The following WASHC2A variants were observed in gnomAD, a reference collection of about 807,000 sequenced individuals.
WASHC2A encodes WASH complex subunit 2A.
A neutral mutation model predicts 140.3 loss-of-function variants in WASHC2A; 82 were observed. That is an observed-to-expected ratio of 0.58 (90% CI 0.49 to 0.70). The LOEUF (loss-of-function observed/expected upper bound fraction) is 0.70. Among genes scored for constraint, WASHC2A ranks in the 30% least tolerant of loss-of-function variants. The pLI is 0.00. For synonymous variants in WASHC2A, 340 were observed against 560.8 expected, an observed-to-expected ratio of 0.61 and a Z score of 5.56; for missense variants, 985 against 1,521.8, an observed-to-expected ratio of 0.65 and a Z score of 5.87.
At chr10:50,079,884 C>G (rs1393510836) in intron 4 of WASHC2A, among the ~76,000 whole-genome samples, 1 of 151,540 alleles carries the variant, frequency 6.6e-6, no homozygotes, top group Non-Finnish European at 1.5e-5. Context: ...AACTCAGAAT[C>G]AAGCATATCC....
chr10:50,101,344 T>A (rs1841144900), intron 17 of WASHC2A, among the ~76,000 whole-genome samples: 1 of 152,310 alleles, frequency 6.6e-6, no homozygotes, highest in African/African-American at 2.4e-5. Flanking sequence ...GCTTCCTCAC[T>A]CTTCGATTTC....
In WASHC2A at chr10:50,127,217, A is replaced by T; in HGVS notation, c.2869A>T (p.Ile957Leu). ...AGAACCATCCACTCGGATCGGGAAGATACAAGTAATTAAAACACTGGAATC... is the reference window on the plus strand; with the variant it reads ...AGAACCATCCACTCGGATCGGGAAGTTACAAGTAATTAAAACACTGGAATC... ...TKEPSTRIGKIQANLAINPAA... is the reference protein window; with the variant it reads ...TKEPSTRIGKLQANLAINPAA... The change falls in exon 27 of 31, where the codon ATA becomes TTA. Residue 957 changes from isoleucine to leucine, a missense_variant. Ile to Leu is a conservative substitution (Grantham distance 5, BLOSUM62 2). Coordinates refer to ENST00000282633, the MANE Select transcript of WASHC2A (RefSeq NM_001005751.3). The T allele has an allele frequency of 2.5e-6, 4 of 1,612,074 alleles. No homozygotes were observed. The highest frequency in any genetic ancestry group is 3.4e-6 in the Non-Finnish European group (4 of 1,179,872).
rs1161129834 is a variant in WASHC2A, at chr10:50,125,978, G to T, written c.2689-79G>T. The T allele has an allele frequency of 1.0e-5, 16 of 1,583,178 alleles. No individual in the cohort carries two copies. In the East Asian group the frequency reaches 3.4e-4, roughly 33 times the overall value. On this transcript the variant is annotated intron_variant, in intron 25 of 30. Coordinates refer to ENST00000282633, the MANE Select transcript of WASHC2A (RefSeq NM_001005751.3). ...AGTATTTTTAAGACTCAGAAGCCAG[G>T]ATTGTTTTTTGCATTATGATTTTTC...
Position 50,090,769 on chromosome 10 carries a change from C to G in WASHC2A, c.733-7C>G. The G allele has an allele frequency of 3.1e-6, 5 of 1,609,858 alleles. No individual in the cohort carries two copies. In the Admixed American group the frequency reaches 8.4e-5, roughly 27 times the overall value. Reference sequence around the variant, plus strand: ...AGTAGTTCTAATTTGGTATTTTATACTCTTAGCACACCACACAAATGAGTG... The same window carrying G: ...AGTAGTTCTAATTTGGTATTTTATAGTCTTAGCACACCACACAAATGAGTG... On this transcript the variant is annotated splice_region_variant and splice_polypyrimidine_tract_variant and intron_variant, in intron 8 of 30. Transcript: ENST00000282633.
intron 16 of WASHC2A, among the ~76,000 whole-genome samples, chr10:50,099,479 ATT>A (rs1283936139): frequency 6.6e-6 from 1 of 151,144 alleles, no homozygotes; most frequent in Non-Finnish European, 1.5e-5. Context: ...CCAAACCATC[ATT>A]CTTTTTGATG....
At chr10:50,114,491 C>A in intron 21 of WASHC2A, among the ~76,000 whole-genome samples, 1 of 131,732 alleles carries the variant, frequency 7.6e-6, no homozygotes, top group African/African-American at 2.8e-5. Flanking sequence ...AAAAAAAACC[C>A]AGGGTGGAGC....
chr10:50,088,559 C>T (rs1839598048), intron 8 of WASHC2A, among the ~76,000 whole-genome samples: 1 of 150,824 alleles, frequency 6.6e-6, no homozygotes, highest in Non-Finnish European at 1.5e-5. Context: ...CACGCCCAGC[C>T]AATATTTTCA....
Position 50,090,854 on chromosome 10 carries a change from G to T in WASHC2A, c.811G>T (p.Asp271Tyr). 5.0e-6 allele frequency: 8 copies of T among 1,611,604 alleles called. No homozygotes were observed. Among genetic ancestry groups the T allele is most frequent in the South Asian group, 2.2e-5 (2 of 90,976 alleles). ...CGCTGACTCTGAGAAGGAGGAGGAA[G>T]ATATTGAGGACATTGAAGAAAATAC... is the stretch of plus-strand genomic sequence containing the variant. ...LFADSEKEEEDIEDIEENTRP... is the reference protein window; with the variant it reads ...LFADSEKEEEYIEDIEENTRP... The change falls in exon 9 of 31, where the codon GAT becomes TAT. Residue 271 changes from aspartate (D) to tyrosine (Y), a missense_variant. Transcript: ENST00000282633.
chr10:50,097,802 G>T lies in WASHC2A; in HGVS notation c.1548G>T (p.Lys516Asn). The T allele has an allele frequency of 6.2e-7, 1 of 1,609,260 alleles. No homozygotes were observed. Among genetic ancestry groups the T allele is most frequent in the Admixed American group, 1.7e-5 (1 of 59,084 alleles). Residue 516 changes from lysine to asparagine, a missense_variant and splice_region_variant, in exon 16 of 31, where the codon AAG (lysine) becomes AAT (asparagine). Physicochemically the swap from Lys to Asn is moderately conservative, Grantham distance 94. Transcript: ENST00000282633. ...AAAATAAAGCAAGAGCAGAAAAAAA[G>T]GTGAGCAGGAGGGAAGACTTAACGC... is the stretch of plus-strand genomic sequence containing the variant. ...TDENKARAEK[K>N]VTLSSSKNLK... is the part of the protein sequence containing the mutation.
At chr10:50,131,489 G>C (rs2133132236) in intron 30 of WASHC2A, among the ~76,000 whole-genome samples, 1 of 152,318 alleles carries the variant, frequency 6.6e-6, no homozygotes, top group East Asian at 1.9e-4. Context: ...AGTGTCCATG[G>C]TTCTGTGCGA....
rs1403937993 is a variant in WASHC2A, at chr10:50,091,428, T to C, written c.844-3T>C. On this transcript the variant is annotated splice_region_variant and splice_polypyrimidine_tract_variant and intron_variant, in intron 9 of 30. Transcript: ENST00000282633. ...GCGATTCTTTTGATTTCTCCTGCTG[T>C]AGAAAAGAAGCAGACCTACATCGTT... 3.9e-6 allele frequency: 6 copies of C among 1,549,392 alleles called. No homozygotes were observed. Among genetic ancestry groups the C allele is most frequent in the Non-Finnish European group, 5.2e-6 (6 of 1,146,834 alleles).
chr10:50,117,640 T>A (rs1219430593), intron 21 of WASHC2A, among the ~76,000 whole-genome samples: 1 of 146,730 alleles, frequency 6.8e-6, no homozygotes, highest in African/African-American at 2.5e-5. Context: ...GAGATAAGGA[T>A]CTGAGGGAGG....
At chr10:50,075,618 C>G (rs1471860280) in intron 3 of WASHC2A, among the ~76,000 whole-genome samples, 3 of 148,548 alleles carry the variant, frequency 2.0e-5, no homozygotes, top group African/African-American at 7.5e-5. Context: ...CATTTTTATC[C>G]CTTATAGATA....
In WASHC2A at chr10:50,119,992, G is replaced by A. The variant is rs1270217451; in HGVS notation, c.2478+223G>A. 1.5e-5 allele frequency among the ~76,000 whole-genome samples: 2 copies of A among 137,190 alleles called. 1 individual carries two copies. Among genetic ancestry groups the A allele is most frequent in the Non-Finnish European group, 3.1e-5 (2 of 65,106 alleles). The allele number at this position is 137,190 out of a possible 152,430, so 90.0% of individuals were successfully genotyped here. ...ATTAGAATTTCACCCCCCCTCTTCT[G>A]GGATTTACAGACCTTGTTGTTCCTT... is the stretch of plus-strand genomic sequence containing the variant. On this transcript the variant is annotated intron_variant, in intron 23 of 30. Transcript: ENST00000282633.
intron 23 of WASHC2A, 42 bp downstream of exon 23, chr10:50,119,811 A>G (rs1842891152): frequency 6.2e-7 from 1 of 1,606,482 alleles, no homozygotes; most frequent in East Asian, 2.2e-5. Context: ...TGGATGAGAT[A>G]AAAGACTCTC....
chr10:50,095,871 A>G (rs1226962400), intron 15 of WASHC2A, 93 bp downstream of exon 15: 6 of 1,530,054 alleles, frequency 3.9e-6, no homozygotes, highest in African/African-American at 2.8e-5. Flanking sequence ...TATCTCTTAC[A>G]GTGCCAGAAT....
At chr10:50,075,876 T>TTTTAC (rs1253533540) in intron 3 of WASHC2A, among the ~76,000 whole-genome samples, 1 of 151,984 alleles carries the variant, frequency 6.6e-6, no homozygotes, top group African/African-American at 2.4e-5. Context: ...ATCTTTGGCT[T>TTTTAC]TTTACTTTTC....
Position 50,095,649 on chromosome 10 carries a change from C to A in WASHC2A, c.1291C>A (p.Gln431Lys). The change falls in exon 15 of 31, where the codon CAG becomes AAG. Residue 431 changes from glutamine (Q) to lysine (K), a missense_variant. Transcript: ENST00000282633. ...CTCCGTTCCATCAATGAAGGAGCCACAGAAGCCTGAGCAGCCCACTCCAAG... is the reference window on the plus strand; with the variant it reads ...CTCCGTTCCATCAATGAAGGAGCCAAAGAAGCCTGAGCAGCCCACTCCAAG... Reference protein sequence around the residue: ...AASVPSMKEPQKPEQPTPRKS... With the variant: ...AASVPSMKEPKKPEQPTPRKS... 1 of 1,611,812 alleles carries A rather than the reference C, an allele frequency of 6.2e-7. No homozygotes were observed. Among genetic ancestry groups the A allele is most frequent in the Non-Finnish European group, 8.5e-7 (1 of 1,179,830 alleles).
intron 3 of WASHC2A, among the ~76,000 whole-genome samples, chr10:50,077,041 C>T (rs1284839301): frequency 8.0e-5 from 12 of 150,618 alleles, no homozygotes; most frequent in African/African-American, 2.9e-4. Context: ...GGCGTGAACC[C>T]AGGAGGCAGA....
Sources: allele counts gnomAD v4.1 joint callset (sites outside exome capture counted in the v4.1 genomes callset), GRCh38; gene constraint gnomAD v4.1.1; transcripts MANE v1.5; gene names NCBI Gene and HGNC (gene_info 2026-07-23, HGNC 2026-07-21).